The following SAMTOR variants were observed in gnomAD, a reference collection of about 807,000 sequenced individuals.
SAMTOR encodes the protein UPF0532 protein C7orf60.
the SAMTOR span, among the ~76,000 whole-genome samples, chr7:112,874,797 C>T: frequency 6.6e-6 from 1 of 152,110 alleles, no homozygotes; most frequent in African/African-American, 2.4e-5. Flanking sequence ...CAGTAACACT[C>T]AGCAAATATT....
chr7:112,864,209 G>C, the SAMTOR span, among the ~76,000 whole-genome samples: 1 of 152,136 alleles, frequency 6.6e-6, no homozygotes, highest in Non-Finnish European at 1.5e-5. Context: ...CATGGACACA[G>C]AGGGGGACAA....
chr7:112,873,652 A>G, the SAMTOR span, among the ~76,000 whole-genome samples: 1 of 152,148 alleles, frequency 6.6e-6, no homozygotes, highest in African/African-American at 2.4e-5. Context: ...ACATTGGCCT[A>G]GGCAAAGAAT....
At chr7:112,919,865 C>T in the SAMTOR span, among the ~76,000 whole-genome samples, 1 of 152,182 alleles carries the variant, frequency 6.6e-6, no homozygotes, top group Non-Finnish European at 1.5e-5. Flanking sequence ...TGGATAAATT[C>T]CTGGACACAT....
chr7:112,917,339 G>A, the SAMTOR span, among the ~76,000 whole-genome samples: 1 of 152,372 alleles, frequency 6.6e-6, no homozygotes, highest in Non-Finnish European at 1.5e-5. Context: ...GGCAAACAGG[G>A]TCTGGAGTGG....
chr7:112,842,375 A>G, the SAMTOR span, among the ~76,000 whole-genome samples: 4 of 151,942 alleles, frequency 2.6e-5, no homozygotes, highest in Non-Finnish European at 5.9e-5. Context: ...ATTCAATTCT[A>G]TAAGAGGAGT....
chr7:112,936,020 A>T, the SAMTOR span, among the ~76,000 whole-genome samples: 6 of 152,206 alleles, frequency 3.9e-5, no homozygotes, highest in South Asian at 1.2e-3. Context: ...TAGTTTTTTT[A>T]ATTAAAAAGC....
At chr7:112,860,688 G>T in the SAMTOR span, among the ~76,000 whole-genome samples, 1 of 151,830 alleles carries the variant, frequency 6.6e-6, no homozygotes. Context: ...GGATCACGAG[G>T]TCAGGGGTCA....
At chr7:112,935,527 C>T in the SAMTOR span, among the ~76,000 whole-genome samples, 4 of 152,124 alleles carry the variant, frequency 2.6e-5, no homozygotes, top group Non-Finnish European at 4.4e-5. Context: ...CTGTTAAGAT[C>T]ACCCCCTAAT....
At chr7:112,939,679 G>A in the SAMTOR span, 2 of 1,613,102 alleles carry the variant, frequency 1.2e-6, no homozygotes, top group Non-Finnish European at 1.7e-6. Context: ...CCTGCTCCCG[G>A]GGCGGCGGAG....
the SAMTOR span, among the ~76,000 whole-genome samples, chr7:112,827,208 C>G: frequency 6.6e-6 from 1 of 152,302 alleles, no homozygotes; most frequent in East Asian, 1.9e-4. Flanking sequence ...ATATTTGGGT[C>G]TTGGCTTTTT....
chr7:112,864,699 G>T, the SAMTOR span, among the ~76,000 whole-genome samples: 120 of 152,312 alleles, frequency 7.9e-4, 5 homozygotes, highest in South Asian at 0.024. Context: ...CAAAACCACT[G>T]CTTTGGAGAA....
At chr7:112,880,766 G>A in the SAMTOR span, among the ~76,000 whole-genome samples, 3 of 152,060 alleles carry the variant, frequency 2.0e-5, no homozygotes, top group South Asian at 2.1e-4. Flanking sequence ...AATATACAAC[G>A]GATTTCAAAC....
the SAMTOR span, among the ~76,000 whole-genome samples, chr7:112,908,591 A>G: frequency 6.6e-6 from 1 of 152,202 alleles, no homozygotes; most frequent in Middle Eastern, 3.2e-3. Flanking sequence ...TAATTCTCAT[A>G]TTAAGTAAAA....
chr7:112,846,754 T>C, the SAMTOR span, among the ~76,000 whole-genome samples: 10 of 152,226 alleles, frequency 6.6e-5, no homozygotes, highest in African/African-American at 2.2e-4. Context: ...TGGTTCCATA[T>C]TCATACATTT....
At chr7:112,895,714 C>G in the SAMTOR span, 1 of 1,561,706 alleles carries the variant, frequency 6.4e-7, no homozygotes, top group Non-Finnish European at 8.7e-7. Flanking sequence ...CTCTTCCCAC[C>G]ATTTTGGAAA....
chr7:112,903,870 T>C, the SAMTOR span, among the ~76,000 whole-genome samples: 10,917 of 152,132 alleles, frequency 0.072, 454 homozygotes, highest in South Asian at 0.13. Context: ...TTCCAAGTTG[T>C]TTTTAAAAAA....
chr7:112,899,043 TC>T, the SAMTOR span, among the ~76,000 whole-genome samples: 2 of 152,128 alleles, frequency 1.3e-5, no homozygotes, highest in East Asian at 3.9e-4. Flanking sequence ...CTGAAAAACA[TC>T]CACAAGCATC....
At chr7:112,867,853 A>G in the SAMTOR span, among the ~76,000 whole-genome samples, 75 of 152,314 alleles carry the variant, frequency 4.9e-4, no homozygotes, top group African/African-American at 1.7e-3. Context: ...GCAAACTGGT[A>G]TTGGTCCGTG....
chr7:112,831,289 C>T, the SAMTOR span, among the ~76,000 whole-genome samples: 1 of 151,976 alleles, frequency 6.6e-6, no homozygotes. Context: ...AAATAATGTG[C>T]CTACTTTAGA....
Sources: gnomAD v4.1 joint callset for allele counts (sites outside exome capture counted in the v4.1 genomes callset) on GRCh38, gnomAD v4.1.1 for gene constraint, MANE v1.5 for transcripts, NCBI Gene and HGNC (gene_info 2026-07-23, HGNC 2026-07-21) for gene names.